The following DCAF8L2 variants were observed in gnomAD, a reference collection of about 807,000 sequenced individuals.
The protein encoded by DCAF8L2 is DDB1 and CUL4 associated factor 8 like 2.
For synonymous variants in DCAF8L2, 200 were observed against 190.9 expected, an observed-to-expected ratio of 1.05 and a Z score of -0.39; for missense variants, 430 against 490.7, an observed-to-expected ratio of 0.88 and a Z score of 1.17.
chrX:27,574,024 C>T, the DCAF8L2 span, among the ~76,000 whole-genome samples: 1 of 110,122 alleles, frequency 9.1e-6, no homozygotes, highest in African/African-American at 3.3e-5. Flanking sequence ...GTAACAAGGT[C>T]TCCCTGTGTT....
chrX:27,473,990 T>G, the DCAF8L2 span, among the ~76,000 whole-genome samples: 13 of 110,974 alleles, frequency 1.2e-4, no homozygotes, highest in Non-Finnish European at 2.3e-4. Context: ...GACATATCCA[T>G]TCCCTAGGGC....
chrX:27,748,001 T>A lies in DCAF8L2; in HGVS notation c.1106T>A (p.Leu369Gln). 2 of 1,211,708 alleles carry A rather than the reference T, an allele frequency of 1.7e-6. No individual in the cohort carries two copies. The highest frequency in any genetic ancestry group is 2.2e-6 in the Non-Finnish European group (2 of 895,351). Residue 369 changes from leucine to glutamine, a missense_variant, in exon 5 of 5, where the codon CTG becomes CAG. By Grantham distance (113) the Leu-to-Gln change is moderately radical. Coordinates refer to ENST00000451261, the MANE Select transcript of DCAF8L2 (RefSeq NM_001353450.2). The stretch of plus-strand genomic sequence containing the variant: ...AGAGAAAATGATAAGAAAGTGGGAC[T>A]GTATACAATTACTGTGAATCCCGCC... Reference protein sequence around the residue: ...VTRENDKKVGLYTITVNPANT... With the variant: ...VTRENDKKVGQYTITVNPANT...
chrX:27,532,038 G>A, the DCAF8L2 span, among the ~76,000 whole-genome samples: 1 of 106,998 alleles, frequency 9.3e-6, no homozygotes, highest in South Asian at 4.0e-4. Flanking sequence ...TACAGATAGA[G>A]GGATGGATAG....
intron 4 of DCAF8L2, among the ~76,000 whole-genome samples, chrX:27,718,071 TAA>T (rs1931762004): frequency 8.9e-6 from 1 of 112,115 alleles, no homozygotes; most frequent in African/African-American, 3.2e-5. Context: ...CAACACATAT[TAA>T]GTGTATAGTT....
At chrX:27,643,248 T>C (rs995458278) in intron 2 of DCAF8L2, among the ~76,000 whole-genome samples, 1 of 112,331 alleles carries the variant, frequency 8.9e-6, no homozygotes, top group Admixed American at 9.5e-5. Flanking sequence ...TGTTATCTTT[T>C]GACTTTTTGA....
intron 1 of DCAF8L2, among the ~76,000 whole-genome samples, chrX:27,602,836 A>G (rs1013152843): frequency 1.6e-4 from 18 of 112,112 alleles, no homozygotes; most frequent in African/African-American, 5.5e-4. Flanking sequence ...CACTAAAAAA[A>G]CATGAGTATA....
At chrX:27,744,488 G>T (rs73536115) in intron 4 of DCAF8L2, among the ~76,000 whole-genome samples, 6,241 of 111,425 alleles carry the variant, frequency 0.056, 428 homozygotes, top group African/African-American at 0.19. Context: ...ATTCCTATAA[G>T]AAACACTGCT....
At chrX:27,696,656 G>A (rs944998870) in intron 3 of DCAF8L2, among the ~76,000 whole-genome samples, 1 of 111,900 alleles carries the variant, frequency 8.9e-6, no homozygotes, top group Non-Finnish European at 1.9e-5. Flanking sequence ...GTGAGTAAAT[G>A]GCCCTCAAGA....
intron 3 of DCAF8L2, among the ~76,000 whole-genome samples, chrX:27,708,420 C>T (rs1378315845): frequency 8.9e-6 from 1 of 111,778 alleles, no homozygotes; most frequent in Non-Finnish European, 1.9e-5. Flanking sequence ...CCATACCACT[C>T]TGAATGTGTC....
At chrX:27,706,467 A>T (rs764952510) in intron 3 of DCAF8L2, among the ~76,000 whole-genome samples, 1 of 111,319 alleles carries the variant, frequency 9.0e-6, no homozygotes, top group African/African-American at 3.3e-5. Flanking sequence ...AAAACTGGGA[A>T]AGGGAATTAA....
chrX:27,552,193 T>C, the DCAF8L2 span, among the ~76,000 whole-genome samples: 1 of 111,788 alleles, frequency 8.9e-6, no homozygotes, highest in Non-Finnish European at 1.9e-5. Context: ...ATATTCTAAA[T>C]ATTAACTCCT....
intron 1 of DCAF8L2, among the ~76,000 whole-genome samples, chrX:27,629,958 A>G (rs1928216644): frequency 8.9e-6 from 1 of 111,765 alleles, no homozygotes; most frequent in Non-Finnish European, 1.9e-5. Flanking sequence ...ATTCCCATTT[A>G]CTTGTTTCCT....
the DCAF8L2 span, among the ~76,000 whole-genome samples, chrX:27,494,703 G>A: frequency 9.0e-6 from 1 of 111,658 alleles, no homozygotes; most frequent in Non-Finnish European, 1.9e-5. Flanking sequence ...TATGCTATTG[G>A]TCATTTTTTC....
At chrX:27,493,594 C>G in the DCAF8L2 span, among the ~76,000 whole-genome samples, 2 of 107,822 alleles carry the variant, frequency 1.9e-5, no homozygotes, top group Non-Finnish European at 3.8e-5. Flanking sequence ...CCCTGCAGTC[C>G]CAGCTACTCG....
chrX:27,544,076 C>T, the DCAF8L2 span, among the ~76,000 whole-genome samples: 1 of 111,476 alleles, frequency 9.0e-6, no homozygotes, highest in South Asian at 3.7e-4. Context: ...GAGTCTGGCA[C>T]TTTTAAAAGC....
chrX:27,686,941 G>A (rs1930531283), intron 3 of DCAF8L2, among the ~76,000 whole-genome samples: 1 of 112,037 alleles, frequency 8.9e-6, no homozygotes, highest in Admixed American at 9.5e-5. Context: ...TCACAATAGG[G>A]TTCACGCTTC....
chrX:27,493,108 C>T, the DCAF8L2 span, among the ~76,000 whole-genome samples: 5 of 110,284 alleles, frequency 4.5e-5, no homozygotes, highest in Admixed American at 4.8e-4. Context: ...GGCATGGTGG[C>T]ATATGCCCAT....
intron 2 of DCAF8L2, among the ~76,000 whole-genome samples, chrX:27,650,557 C>T (rs1929110584): frequency 8.9e-6 from 1 of 111,775 alleles, no homozygotes; most frequent in South Asian, 3.7e-4. Flanking sequence ...TTATCTTTTG[C>T]ATCTATCGTA....
intron 4 of DCAF8L2, among the ~76,000 whole-genome samples, chrX:27,745,256 T>G (rs1011687321): frequency 8.9e-6 from 1 of 112,539 alleles, no homozygotes; most frequent in African/African-American, 3.2e-5. Context: ...TTTCTCAGAT[T>G]TCAACCTTCT....
Sources: gnomAD v4.1 joint callset for allele counts (sites outside exome capture counted in the v4.1 genomes callset) on GRCh38, gnomAD v4.1.1 for gene constraint, MANE v1.5 for transcripts, NCBI Gene and HGNC (gene_info 2026-07-23, HGNC 2026-07-21) for gene names.